OGG1: variants seen among roughly 807,000 people sequenced by gnomAD.
The protein encoded by OGG1 is 8-oxoguanine DNA glycosylase.
Under a neutral mutation model 42.3 loss-of-function variants are expected in OGG1, and 35 were observed. That is an observed-to-expected ratio of 0.83 (90% confidence interval 0.63 to 1.10). OGG1 has a LOEUF of 1.10. Among genes scored for constraint, OGG1 ranks in the 50% least tolerant of loss-of-function variants. The pLI is 0.00. For missense variants in OGG1, 484 were observed against 446.7 expected (o/e 1.08, Z -0.75); for synonymous variants, 189 against 179.0 (o/e 1.06, Z -0.44).
intron 3 of OGG1, chr3:9,783,793 A>G (rs1459791459): frequency 1.4e-6 from 1 of 729,212 alleles, no homozygotes; most frequent in African/African-American, 1.8e-5. Flanking sequence ...AAAACAAAAC[A>G]AAAACAAATC....
intron 4 of OGG1, among the ~76,000 whole-genome samples, chr3:9,756,206 A>G (rs1182415124): frequency 6.6e-6 from 1 of 152,144 alleles, no homozygotes; most frequent in Non-Finnish European, 1.5e-5. Context: ...AATCCCAGCT[A>G]CTTGGGAGGC....
chr3:9,754,959 G>C lies in OGG1; in HGVS notation c.747+74G>C, dbSNP rs527637084. ...AGAGCAGGAAATGAGCCAAGCCTGG[G>C]AGCTGGGTGGAGGCTTGGCTTCCGG... On this transcript the variant is annotated intron_variant, in intron 4 of 6. Transcript: ENST00000344629. 15 of 1,315,130 alleles carry C rather than the reference G, an allele frequency of 1.1e-5. No homozygotes were observed. In the South Asian group the frequency reaches 1.8e-4, roughly 16 times the overall value. 81.5% of individuals were successfully genotyped at this position (1,315,130 alleles called of 1,614,324 possible).
At chr3:9,767,702 A>G (rs761233875), downstream of OGG1, 2 of 1,614,018 alleles carry the variant, frequency 1.2e-6, no homozygotes, top group Non-Finnish European at 8.5e-7. Context: ...AGATGTCTCT[A>G]ATGTCCTCCG....
At chr3:9,767,795 G>A, downstream of OGG1, 1 of 1,610,716 alleles carries the variant, frequency 6.2e-7, no homozygotes, top group Non-Finnish European at 8.5e-7. Flanking sequence ...TAAGGAGAAT[G>A]GAAGGAGGAG....
At chr3:9,759,912 C>T (rs989431539), downstream of OGG1, 48 of 1,089,724 alleles carry the variant, frequency 4.4e-5, 1 homozygote, top group African/African-American at 7.3e-4. Flanking sequence ...TCAGGCCCTC[C>T]CACCCCGTGC....
At chr3:9,783,814 G>C in intron 3 of OGG1, 1 of 782,326 alleles carries the variant, frequency 1.3e-6, no homozygotes, top group Non-Finnish European at 1.8e-6. Flanking sequence ...AAATCAATCG[G>C]TCAGTCACAG....
intron 3 of OGG1, chr3:9,786,969 A>C (rs1460681336): frequency 6.4e-7 from 1 of 1,557,864 alleles, no homozygotes; most frequent in Non-Finnish European, 8.8e-7. Flanking sequence ...TAAAACACAA[A>C]GTAAATATGG....
chr3:9,773,813 C>A (rs1228614682), intron 2 of OGG1, among the ~76,000 whole-genome samples: 1 of 152,034 alleles, frequency 6.6e-6, no homozygotes, highest in African/African-American at 2.4e-5. Flanking sequence ...CCACCTCAGC[C>A]TCCGGAGTAG....
downstream of OGG1, among the ~76,000 whole-genome samples, chr3:9,770,418 G>A (rs2125603163): frequency 6.6e-6 from 1 of 152,206 alleles, no homozygotes; most frequent in Non-Finnish European, 1.5e-5. Flanking sequence ...GGAAGGACCG[G>A]GCAAGACTAG....
At position 9,785,787 on chromosome 3, in the gene OGG1, G is replaced by A. The variant is rs536306242; in HGVS notation, c.383-1941G>A. Among the ~76,000 whole-genome samples the A allele has an allele frequency of 3.3e-5, 5 of 152,346 alleles. No individual in the cohort carries two copies. In the South Asian group the frequency reaches 1.0e-3, roughly 32 times the overall value. ...CTCTTCTTTCCTCCACGGCAGCTAG[G>A]CAATGCCTGTCCAGTTGTACTTCCC... On this transcript the variant is annotated intron_variant, in intron 3 of 3. Transcript: ENST00000426518.
rs930709180 is a variant in OGG1, at chr3:9,750,715, C to G, written c.138-230C>G. The G allele has an allele frequency of 4.3e-6, 3 of 693,656 alleles. No homozygotes were observed. The African/African-American group carries it at 5.4e-5, about 13-fold the overall frequency. 43.0% of individuals were successfully genotyped at this position (693,656 alleles called of 1,614,324 possible). ...AATGCAGAGAGGCCCATTCCAGCCTCGACCCCCCGGGCGCAGCCTCCCGAG... is the reference window on the plus strand; with the variant it reads ...AATGCAGAGAGGCCCATTCCAGCCTGGACCCCCCGGGCGCAGCCTCCCGAG... On this transcript the variant is annotated intron_variant, in intron 1 of 6. Coordinates refer to ENST00000344629, the MANE Select transcript of OGG1 (RefSeq NM_002542.6).
rs1322857799 is a variant in OGG1, at chr3:9,757,312, G to A, written c.*162G>A. 1 of 1,614,156 alleles carries A rather than the reference G, an allele frequency of 6.2e-7. No homozygotes were observed. On this transcript the variant is annotated 3_prime_UTR_variant, in exon 7 of 7. Coordinates refer to ENST00000344629, the MANE Select transcript of OGG1 (RefSeq NM_002542.6). This position sits in a 1 kb window ranked among gnomAD's most constrained non-coding sequence, Gnocchi z 4.5. The stretch of plus-strand genomic sequence containing the variant: ...AAGCAGTCAGTTTGCACAACAAGAT[G>A]GGGTGGGGGATATTGAGGGAGACAG...
chr3:9,788,987 C>T (rs1190942757), downstream of OGG1, among the ~76,000 whole-genome samples: 10 of 152,016 alleles, frequency 6.6e-5, no homozygotes, highest in African/African-American at 1.7e-4. Flanking sequence ...AGGCGCACAC[C>T]GCCATGCCTG....
At chr3:9,773,882 TG>T (rs1412057121) in intron 2 of OGG1, among the ~76,000 whole-genome samples, 2 of 151,962 alleles carry the variant, frequency 1.3e-5, no homozygotes, top group African/African-American at 4.8e-5. Flanking sequence ...TTTTATTTTT[TG>T]TAGATATCGG....
chr3:9,778,990 C>A (rs933614137), intron 2 of OGG1, among the ~76,000 whole-genome samples: 1 of 152,146 alleles, frequency 6.6e-6, no homozygotes, highest in Admixed American at 6.6e-5. Context: ...CTCAACCTTC[C>A]CACAGTAAAT....
At chr3:9,787,169 C>T (rs1229879977) in intron 3 of OGG1, 3 of 1,614,054 alleles carry the variant, frequency 1.9e-6, no homozygotes, top group African/African-American at 2.7e-5. Flanking sequence ...AAGTCCTGAC[C>T]TGGGGTTGGC....
rs2125558363 is a variant in OGG1, at chr3:9,757,191, C to T, written c.*41C>T. The stretch of plus-strand genomic sequence containing the variant: ...CAAAGAAATTCCCCAAGCACCTTCC[C>T]CTCCATTCCCCACTTCTCTCTCCCC... On this transcript the variant is annotated 3_prime_UTR_variant, in exon 7 of 7. Transcript: ENST00000344629. This position sits in a 1 kb window ranked among gnomAD's most constrained non-coding sequence, Gnocchi z 4.5. 1 of 1,613,846 alleles carries T rather than the reference C, an allele frequency of 6.2e-7. No individual in the cohort carries two copies. Among genetic ancestry groups the T allele is most frequent in the East Asian group, 2.2e-5 (1 of 44,874 alleles).
intron 3 of OGG1, among the ~76,000 whole-genome samples, chr3:9,786,428 A>C (rs561038332): frequency 4.1e-4 from 62 of 152,326 alleles, no homozygotes; most frequent in African/African-American, 1.4e-3. Flanking sequence ...TGTTTGAGCC[A>C]GAATAGAAAA....
rs776474734 is a variant in OGG1, at chr3:9,780,592, C to A, written c.295-921C>A. The A allele has an allele frequency of 3.9e-6, 6 of 1,555,560 alleles. No individual in the cohort carries two copies. The African/African-American group carries it at 8.1e-5, about 21-fold the overall frequency. ...CCAGGTGCCAGGGTCAGCCCACCTC[C>A]AGAGAACAACCCCTCCCTCTTCAAG... On this transcript the variant is annotated intron_variant, in intron 2 of 3. Coordinates refer to the OGG1 transcript ENST00000426518.
Sources: gnomAD v4.1 joint callset for allele counts (sites outside exome capture counted in the v4.1 genomes callset) on GRCh38, gnomAD v4.1.1 for gene constraint, Gnocchi (gnomAD v3.1) non-coding constraint, MANE v1.5 for transcripts, NCBI Gene and HGNC (gene_info 2026-07-23, HGNC 2026-07-21) for gene names.